The following TMEM175 variants were observed in gnomAD, a reference collection of about 807,000 sequenced individuals.
The protein encoded by TMEM175 is endosomal/lysosomal proton channel TMEM175.
Under a neutral mutation model 36.5 loss-of-function variants are expected in TMEM175, and 36 were observed. That is an observed-to-expected ratio of 0.99 (90% confidence interval 0.76 to 1.30). The LOEUF (loss-of-function observed/expected upper bound fraction) is 1.30, where lower values mean the gene tolerates loss of function less well. Ranked by LOEUF, TMEM175 falls within the 50% of genes most tolerant of loss-of-function variation. The pLI, the probability that TMEM175 is intolerant of heterozygous loss-of-function variation, is 0.00. For synonymous variants in TMEM175, 339 were observed against 313.4 expected, an observed-to-expected ratio of 1.08 and a Z score of -0.86; for missense variants, 705 against 692.8, an observed-to-expected ratio of 1.02 and a Z score of -0.20.
intron 3 of TMEM175, among the ~76,000 whole-genome samples, chr4:948,939 C>T (rs550996753): frequency 2.6e-5 from 4 of 152,254 alleles, no homozygotes; most frequent in African/African-American, 9.6e-5. Flanking sequence ...TGAGACTTTA[C>T]ATAGGGTTTT....
chr4:934,246 A>G (rs1304917191), intron 1 of TMEM175, among the ~76,000 whole-genome samples: 1 of 152,238 alleles, frequency 6.6e-6, no homozygotes, highest in Non-Finnish European at 1.5e-5. Context: ...GAGAGGACCA[A>G]CAGAGATGGT....
intron 10 of TMEM175, chr4:956,325 G>A: frequency 1.6e-6 from 2 of 1,286,058 alleles, no homozygotes; most frequent in Non-Finnish European, 2.0e-6. Flanking sequence ...AGCCCCTCCT[G>A]CTCCCTTTGG....
chr4:948,389 A>G, intron 3 of TMEM175: 1 of 1,529,518 alleles, frequency 6.5e-7, no homozygotes, highest in South Asian at 1.2e-5. Context: ...CTGGGCTCCT[A>G]GGGCTCTGTT....
intron 1 of TMEM175, among the ~76,000 whole-genome samples, chr4:937,382 G>T (rs564898072): frequency 1.3e-5 from 2 of 152,184 alleles, no homozygotes; most frequent in South Asian, 4.2e-4. Context: ...TGGCCAACAT[G>T]GTGAAACCTC....
chr4:950,337 G>A, intron 3 of TMEM175, 84 bp from the exon 4 acceptor site: 1 of 1,171,640 alleles, frequency 8.5e-7, no homozygotes, highest in South Asian at 1.3e-5. Flanking sequence ...GCCGAGGCCA[G>A]CCCCCCCTCA....
At chr4:940,651 A>T (rs979436219) in intron 1 of TMEM175, among the ~76,000 whole-genome samples, 1 of 152,108 alleles carries the variant, frequency 6.6e-6, no homozygotes, top group African/African-American at 2.4e-5. Flanking sequence ...GTTAATTGTG[A>T]TGTATGAATA....
At chr4:950,368 T>G (rs935666845) in intron 3 of TMEM175, 53 bp from the exon 4 acceptor site, 164 of 1,428,546 alleles carry the variant, frequency 1.1e-4, no homozygotes, top group Non-Finnish European at 1.5e-4. Context: ...TCGACTGCCA[T>G]TCAGGGACAC....
chr4:956,038 G>GC (rs1560499538), intron 10 of TMEM175, 148 bp downstream of exon 10: 8 of 1,042,438 alleles, frequency 7.7e-6, no homozygotes, highest in Non-Finnish European at 2.7e-6. Flanking sequence ...GGTCAGGGCA[G>GC]CCCCCACTTC....
In TMEM175 at chr4:947,606, GC is replaced by G. The variant is rs370234930; in HGVS notation, c.-31-94del. On this transcript the variant is annotated intron_variant, in intron 1 of 10. Coordinates refer to ENST00000264771, the MANE Select transcript of TMEM175 (RefSeq NM_032326.4). The stretch of plus-strand genomic sequence containing the variant: ...CCTTCCCCTGCTCAGTGGCGGCCAA[GC>G]CCCCCCCCATACCAGTCCCTGTCCC... 3,870 of 850,874 alleles carry G rather than the reference GC, an allele frequency of 4.5e-3. 9 individuals carry two copies. Among genetic ancestry groups the G allele is most frequent in the Middle Eastern group, 7.6e-3 (20 of 2,636 alleles). The allele number at this position is 850,874 out of a possible 1,614,324, so 52.7% of individuals were successfully genotyped here.
Position 935,017 on chromosome 4 carries a change from G to T in TMEM175, c.-32+2477G>T, listed in dbSNP as rs574709027. Among the ~76,000 whole-genome samples the T allele has an allele frequency of 5.1e-4, 78 of 152,296 alleles. 2 individuals are homozygous for T. The South Asian group carries it at 0.011, about 22-fold the overall frequency. On this transcript the variant is annotated intron_variant, in intron 1 of 10. Transcript: ENST00000264771. The stretch of plus-strand genomic sequence containing the variant: ...GTGAGAGGGGAAGTAGGAAACCCAA[G>T]ATTTAAGCAGTGTCAAAAAGATCTA...
rs750230582 is a variant in TMEM175 at position 932,482 on chromosome 4, C to T, written c.-90C>T. On this transcript the variant is annotated 5_prime_UTR_variant, in exon 1 of 11. Coordinates refer to ENST00000264771, the MANE Select transcript of TMEM175 (RefSeq NM_032326.4). The surrounding 1 kb of genome is among the most constrained non-coding windows in gnomAD (Gnocchi z 4.0). ...GATGAACTTCCGGCTGTCAAGCTCC[C>T]GGCCGGGCTGACTCAAGCGGAGGCG... 6.2e-6 allele frequency: 3 copies of T among 484,820 alleles called. No individual in the cohort carries two copies. Among genetic ancestry groups the T allele is most frequent in the East Asian group, 3.6e-5 (1 of 28,054 alleles). The allele number at this position is 484,820 out of a possible 1,614,324, so 30.0% of individuals were successfully genotyped here. A position where few individuals can be genotyped will look rare whatever the true frequency, so the allele number is the denominator to read the frequency against.
intron 8 of TMEM175, among the ~76,000 whole-genome samples, chr4:953,646 A>G (rs1729248892): frequency 3.3e-5 from 5 of 152,242 alleles, no homozygotes; most frequent in Admixed American, 3.3e-4. Flanking sequence ...ATGACCAGAA[A>G]CAGCGACACC....
At chr4:954,151 G>A (rs1199298233) in intron 8 of TMEM175, among the ~76,000 whole-genome samples, 2 of 151,882 alleles carry the variant, frequency 1.3e-5, no homozygotes, top group African/African-American at 4.8e-5. Context: ...ACCACCCTCA[G>A]CTAAGTTTTG....
intron 1 of TMEM175, among the ~76,000 whole-genome samples, chr4:934,892 G>C (rs1345777675): frequency 6.6e-6 from 1 of 152,222 alleles, no homozygotes; most frequent in African/African-American, 2.4e-5. Context: ...ATGGGCTGCA[G>C]TTGTAGGTGA....
chr4:953,270 C>A lies in TMEM175; in HGVS notation c.543C>A (p.Tyr181Ter). The A allele has an allele frequency of 6.2e-7, 1 of 1,614,076 alleles. No individual in the cohort carries two copies. Among genetic ancestry groups the A allele is most frequent in the South Asian group, 1.1e-5 (1 of 91,072 alleles). Residue 181 changes from tyrosine (Y) to a stop codon, truncating the protein, a stop_gained, in exon 8 of 11, where the codon TAC becomes TAA. Transcript: ENST00000264771. LOFTEE classifies it high-confidence loss of function. ...QIQRSAHRAL[Y>*]RRHVLGIVLQ... is the part of the protein sequence containing the mutation. ...AGCGCTCTGCCCACAGGGCTCTGTACCGACGACACGTCCTGGGCATCGTCC... is the reference window on the plus strand; with the variant it reads ...AGCGCTCTGCCCACAGGGCTCTGTAACGACGACACGTCCTGGGCATCGTCC...
Position 958,400 on chromosome 4 carries a change from G to C in TMEM175, c.1419G>C (p.Leu473=). 6.3e-6 allele frequency: 10 copies of C among 1,599,986 alleles called. No individual in the cohort carries two copies. The highest frequency in any genetic ancestry group is 8.5e-6 in the Non-Finnish European group (10 of 1,179,126). The change falls in exon 11 of 11, where the codon CTG becomes CTC. Residue 473 remains leucine, a synonymous_variant. Transcript: ENST00000264771. ...TCGTGGGCCTGGCCCTGGCCACCCTGCGGGTCCTGCGGGGCCTCGCCCGGC... is the reference window on the plus strand; with the variant it reads ...TCGTGGGCCTGGCCCTGGCCACCCTCCGGGTCCTGCGGGGCCTCGCCCGGC... ...RLLVGLALAT[L]RVLRGLARPE... is the part of the protein sequence containing the mutation.
chr4:934,845 T>C (rs1035565631), intron 1 of TMEM175, among the ~76,000 whole-genome samples: 5 of 152,202 alleles, frequency 3.3e-5, no homozygotes, highest in African/African-American at 1.2e-4. Context: ...GGTAGAGATA[T>C]TTGCTTTGGA....
rs1426753041 is a variant in TMEM175 at position 958,609 on chromosome 4, G to T, written c.*113G>T. On this transcript the variant is annotated 3_prime_UTR_variant, in exon 11 of 11. Coordinates refer to ENST00000264771, the MANE Select transcript of TMEM175 (RefSeq NM_032326.4). ...GGCCGCAGTGGTTCTTGCGTGGCCT[G>T]GTTTTATTTTCATTGTGAAATATCA... 4.8e-6 allele frequency: 4 copies of T among 841,912 alleles called. No homozygotes were observed. Among genetic ancestry groups the T allele is most frequent in the Non-Finnish European group, 7.1e-6 (4 of 563,274 alleles). 52.2% of individuals were successfully genotyped at this position (841,912 alleles called of 1,614,324 possible). A position where few individuals can be genotyped will look rare whatever the true frequency, so the allele number is the denominator to read the frequency against.
chr4:958,405 TCCTGCGGGG>T lies in TMEM175; in HGVS notation c.1428_1436del (p.Arg477_Leu479del), dbSNP rs1711539006. ...GGCCTGGCCCTGGCCACCCTGCGGG[TCCTGCGGGG>T]CCTCGCCCGGCCCGAACACCCCCCG... On this transcript the variant is annotated inframe_deletion, in exon 11 of 11. Coordinates refer to ENST00000264771, the MANE Select transcript of TMEM175 (RefSeq NM_032326.4). 1.3e-6 allele frequency: 2 copies of T among 1,599,982 alleles called. No homozygotes were observed. The highest frequency in any genetic ancestry group is 1.7e-6 in the Non-Finnish European group (2 of 1,179,116).
Sources: allele counts gnomAD v4.1 joint callset (sites outside exome capture counted in the v4.1 genomes callset), GRCh38; gene constraint gnomAD v4.1.1; non-coding constraint Gnocchi (gnomAD v3.1); transcripts MANE v1.5; gene names NCBI Gene and HGNC (gene_info 2026-07-23, HGNC 2026-07-21).